The following DOCK10 variants were observed in gnomAD, a reference collection of about 807,000 sequenced individuals.
DOCK10 encodes dedicator of cytokinesis protein 10.
Under a neutral mutation model 280.1 loss-of-function variants are expected in DOCK10, and 145 were observed. The ratio of observed to expected loss-of-function variants is 0.52; its 90% CI spans 0.45 to 0.59. The LOEUF (loss-of-function observed/expected upper bound fraction) is 0.59, where lower values mean the gene tolerates loss of function less well. Among genes scored for constraint, DOCK10 ranks in the 20% least tolerant of loss-of-function variants. The pLI is 0.00. For synonymous variants in DOCK10, 915 were observed against 942.2 expected (o/e 0.97, Z 0.53); for missense variants, 2,368 against 2,651.7 (o/e 0.89, Z 2.35).
intron 55 of DOCK10, among the ~76,000 whole-genome samples, chr2:224,766,791 A>G (rs1690101561): frequency 6.6e-6 from 1 of 152,250 alleles, no homozygotes; most frequent in Non-Finnish European, 1.5e-5. Context: ...GGCTTCAAAG[A>G]AGGCTTTTAT....
chr2:224,784,887 T>C (rs186441523), intron 50 of DOCK10: 1 of 685,182 alleles, frequency 1.5e-6, no homozygotes, highest in East Asian at 6.6e-5. Flanking sequence ...AATCCTGTTT[T>C]CATGATCAGG....
intron 1 of DOCK10, among the ~76,000 whole-genome samples, chr2:224,967,349 GGATTACAGGCGTGA>G (rs1704830813): frequency 1.3e-5 from 2 of 152,012 alleles, no homozygotes; most frequent in African/African-American, 4.8e-5. Flanking sequence ...CAAAGTGCTG[GGATTACAGGCGTGA>G]GCCACCGCGC....
At chr2:224,819,390 T>C (rs1376931328) in intron 29 of DOCK10, 56 bp downstream of exon 29, 24 of 1,218,692 alleles carry the variant, frequency 2.0e-5, no homozygotes, top group Non-Finnish European at 2.5e-5. Context: ...GAGACTACTT[T>C]ATTTATTTAC....
chr2:224,886,671 T>C (rs1699303198), intron 4 of DOCK10, 140 bp from the exon 5 acceptor site: 1 of 656,818 alleles, frequency 1.5e-6, no homozygotes, highest in Non-Finnish European at 2.6e-6. Context: ...TTTGAGTGTC[T>C]CATTTCCTTT....
intron 18 of DOCK10, among the ~76,000 whole-genome samples, 189 bp downstream of exon 18, chr2:224,852,188 A>G (rs1209297625): frequency 6.6e-6 from 1 of 152,230 alleles, no homozygotes; most frequent in Non-Finnish European, 1.5e-5. Context: ...TAAAAGAGCT[A>G]TGAGAGAGGA....
intron 3 of DOCK10, among the ~76,000 whole-genome samples, chr2:224,905,264 G>T (rs1700540679): frequency 8.2e-6 from 1 of 122,100 alleles, no homozygotes; most frequent in Admixed American, 8.5e-5. Context: ...TTTTTGAGAC[G>T]GAGTCTCGCT....
In DOCK10 at chr2:224,789,044, T is replaced by C. The variant is rs375341201; in HGVS notation, c.5418+20A>G. The C allele has an allele frequency of 1.6e-5, 23 of 1,470,394 alleles. No individual in the cohort carries two copies. The African/African-American group carries it at 3.2e-4, about 20-fold the overall frequency. The allele number at this position is 1,470,394 out of a possible 1,614,324, so 91.1% of individuals were successfully genotyped here. On this transcript the variant is annotated intron_variant, in intron 48 of 55. Transcript: ENST00000258390. ...CATCTCTTTCCTTCGTTACTGTACA[T>C]GAGATAATTTTGGTCTAACCTCATT...
chr2:224,768,908 C>T (rs1298975974), intron 55 of DOCK10: 4 of 456,512 alleles, frequency 8.8e-6, no homozygotes, highest in Non-Finnish European at 1.8e-5. Flanking sequence ...ATACTAGACA[C>T]AGAGGAACAG....
intron 1 of DOCK10, among the ~76,000 whole-genome samples, chr2:224,953,154 C>A (rs983852067): frequency 3.3e-5 from 5 of 152,114 alleles, no homozygotes; most frequent in African/African-American, 1.2e-4. Flanking sequence ...TGGTAAGGCA[C>A]CTCCTATTCA....
At chr2:225,033,269 G>A (rs907824442) in intron 1 of DOCK10, among the ~76,000 whole-genome samples, 9 of 151,720 alleles carry the variant, frequency 5.9e-5, no homozygotes, top group South Asian at 4.2e-4. Flanking sequence ...TGCGACCTCC[G>A]CCTCCCAGGT....
At chr2:224,954,451 T>G (rs1194721014) in intron 1 of DOCK10, among the ~76,000 whole-genome samples, 1 of 152,222 alleles carries the variant, frequency 6.6e-6, no homozygotes, top group Non-Finnish European at 1.5e-5. Flanking sequence ...ATCACCCTTT[T>G]TGAAGTTTTT....
chr2:224,782,978 G>T (rs191061029), intron 50 of DOCK10, among the ~76,000 whole-genome samples: 3 of 152,124 alleles, frequency 2.0e-5, no homozygotes, highest in Admixed American at 2.0e-4. Flanking sequence ...GTACACGTTC[G>T]GGGGAATGCT....
rs1690327280 is a variant in DOCK10 at position 224,770,078 on chromosome 2, A to G, written c.6444+133T>C. 2.8e-6 allele frequency: 3 copies of G among 1,060,088 alleles called. No homozygotes were observed. The highest frequency in any genetic ancestry group is 3.8e-6 in the Non-Finnish European group (3 of 783,128). 65.7% of individuals were successfully genotyped at this position (1,060,088 alleles called of 1,614,324 possible). A position where few individuals can be genotyped will look rare whatever the true frequency, so the allele number is the denominator to read the frequency against. ...ACGAGGTGGTGTGCACGGGAGAGAG[A>G]ACAGATCAGCAACATGGTGCTGATG... On this transcript the variant is annotated intron_variant, in intron 55 of 55. Transcript: ENST00000258390. This position sits in a 1 kb window ranked among gnomAD's most constrained non-coding sequence, Gnocchi z 4.5.
intron 16 of DOCK10, 121 bp downstream of exon 16, chr2:224,854,842 A>ACCAACCAACTAG: frequency 1.5e-6 from 1 of 646,916 alleles, no homozygotes; most frequent in Non-Finnish European, 2.6e-6. Context: ...AAACCTTGTA[A>ACCAACCAACTAG]CCAACCAACT....
At chr2:224,796,851 G>T in intron 43 of DOCK10, 113 bp downstream of exon 43, 1 of 920,036 alleles carries the variant, frequency 1.1e-6, no homozygotes, top group Non-Finnish European at 1.7e-6. Flanking sequence ...CTTTAAGGAG[G>T]ACGCTAGTGG....
chr2:224,842,565 T>C (rs1559537308), intron 22 of DOCK10, among the ~76,000 whole-genome samples: 1 of 152,194 alleles, frequency 6.6e-6, no homozygotes, highest in Non-Finnish European at 1.5e-5. Flanking sequence ...GTTTTCCTCA[T>C]TTCCCTCAGG....
In DOCK10 at chr2:224,786,168, C is replaced by T. The variant is rs540133863; in HGVS notation, c.5655+854G>A. Among the ~76,000 whole-genome samples, 2 of 152,326 alleles carry T rather than the reference C, an allele frequency of 1.3e-5. No individual in the cohort carries two copies. Among genetic ancestry groups the T allele is most frequent in the African/African-American group, 4.8e-5 (2 of 41,576 alleles). On this transcript the variant is annotated intron_variant, in intron 50 of 55. Coordinates refer to ENST00000258390, the MANE Select transcript of DOCK10 (RefSeq NM_014689.3). This position sits in a 1 kb window ranked among gnomAD's most constrained non-coding sequence, Gnocchi z 4.7. ...AGTGAGCCGAGATCACGCCACTGCA[C>T]TGCACTCCAGCCTGGGCTACTGAGC...
intron 4 of DOCK10, chr2:224,893,270 A>C (rs1202011473): frequency 6.4e-6 from 1 of 155,498 alleles, no homozygotes; most frequent in Non-Finnish European, 1.4e-5. Flanking sequence ...TGCATGTATG[A>C]CACCCAGCAC....
Position 225,042,256 on chromosome 2 carries a change from T to A in DOCK10, c.119A>T (p.Gln40Leu). The A allele has an allele frequency of 7.7e-7, 1 of 1,302,396 alleles. No homozygotes were observed. Among genetic ancestry groups the A allele is most frequent in the Non-Finnish European group, 9.7e-7 (1 of 1,027,624 alleles). The allele number at this position is 1,302,396 out of a possible 1,614,324, so 80.7% of individuals were successfully genotyped here. A position where few individuals can be genotyped will look rare whatever the true frequency, so the allele number is the denominator to read the frequency against. The change falls in exon 1 of 56, where the codon CAG becomes CTG. Residue 40 changes from glutamine (Q) to leucine (L), a missense_variant. Transcript: ENST00000258390. This position sits in a 1 kb window ranked among gnomAD's most constrained non-coding sequence, Gnocchi z 5.1. ...AAVAVSSRQQ[Q>L]RQEKPRLLEP... The stretch of plus-strand genomic sequence containing the variant: ...CGGAGGACGCGCCGCACTCACCCGC[T>A]GCTGCTGCCGGCTGCTGACTGCCAC...
Sources: allele counts gnomAD v4.1 joint callset (sites outside exome capture counted in the v4.1 genomes callset), GRCh38; gene constraint gnomAD v4.1.1; non-coding constraint Gnocchi (gnomAD v3.1); transcripts MANE v1.5; gene names NCBI Gene and HGNC (gene_info 2026-07-23, HGNC 2026-07-21).